MEGF11: variants seen among roughly 807,000 people sequenced by gnomAD.
MEGF11 encodes multiple epidermal growth factor-like domains protein 11.
In MEGF11, 126 loss-of-function variants were observed where a neutral mutation model predicts 146.6. That is an observed-to-expected ratio of 0.86 (90% confidence interval 0.74 to 1.00). The LOEUF is 1.00. MEGF11 is among the 50% of genes least tolerant of loss of function. The pLI, the probability that MEGF11 is intolerant of heterozygous loss-of-function variation, is 0.00. For synonymous variants in MEGF11, 532 were observed against 583.4 expected, an observed-to-expected ratio of 0.91 and a Z score of 1.27; for missense variants, 1,509 against 1,521.2, an observed-to-expected ratio of 0.99 and a Z score of 0.13.
intron 5 of MEGF11, among the ~76,000 whole-genome samples, chr15:66,018,447 C>A (rs1355182364): frequency 2.0e-5 from 3 of 152,232 alleles, no homozygotes; most frequent in Non-Finnish European, 2.9e-5. Flanking sequence ...GTGGCCTGGA[C>A]TCAGCCCCGC....
intron 5 of MEGF11, among the ~76,000 whole-genome samples, chr15:66,005,853 C>T (rs540114047): frequency 7.5e-4 from 114 of 152,296 alleles, no homozygotes; most frequent in Non-Finnish European, 1.3e-3. Context: ...AACATGTACA[C>T]GCAGTGAAGA....
intron 1 of MEGF11, among the ~76,000 whole-genome samples, chr15:66,181,527 A>ACTTCTACTATC (rs1555479663): frequency 4.5e-4 from 69 of 151,692 alleles, no homozygotes; most frequent in Admixed American, 9.8e-4. Context: ...CTTCTACTAT[A>ACTTCTACTATC]ACTTCTACTA....
chr15:66,082,723 T>C (rs1436626750), intron 5 of MEGF11, among the ~76,000 whole-genome samples: 2 of 148,004 alleles, frequency 1.4e-5, no homozygotes, highest in Non-Finnish European at 3.0e-5. Flanking sequence ...ACGTGAAGCA[T>C]TTGCACACAG....
rs555428228 is a variant in MEGF11 at position 65,896,834 on chromosome 15, C to T, written c.*1100G>A. 6.6e-6 allele frequency: 1 copy of T among 152,228 alleles called. No homozygotes were observed. The highest frequency in any genetic ancestry group is 1.5e-5 in the Non-Finnish European group (1 of 68,038). The allele number at this position is 152,228 out of a possible 1,614,324, so 9.4% of individuals were successfully genotyped here. On this transcript the variant is annotated 3_prime_UTR_variant, in exon 26 of 26. Coordinates refer to ENST00000395614, the MANE Select transcript of MEGF11 (RefSeq NM_001385028.1). ...GTAACGTTTTTACATCACGTTACAG[C>T]AACTGGTTACAGTCCATTCTTTTTT... is the stretch of plus-strand genomic sequence containing the variant.
chr15:65,965,613 CTTTTT>C (rs1186551497), intron 8 of MEGF11, among the ~76,000 whole-genome samples: 2 of 53,522 alleles, frequency 3.7e-5, no homozygotes, highest in South Asian at 1.9e-3. Flanking sequence ...TTTTTTTTTT[CTTTTT>C]TTTTTTTTTG....
chr15:66,001,140 C>T (rs964393056), intron 5 of MEGF11, among the ~76,000 whole-genome samples: 1 of 152,070 alleles, frequency 6.6e-6, no homozygotes, highest in Non-Finnish European at 1.5e-5. Flanking sequence ...TGGGAGCAGC[C>T]GCCAGCAGTG....
chr15:65,937,967 T>G (rs1311367290), intron 10 of MEGF11, among the ~76,000 whole-genome samples: 1 of 152,212 alleles, frequency 6.6e-6, no homozygotes, highest in Admixed American at 6.5e-5. Context: ...TAAGGGCCCT[T>G]TAGCTCTGAC....
At chr15:66,192,707 C>T (rs914676574) in intron 1 of MEGF11, among the ~76,000 whole-genome samples, 1 of 152,128 alleles carries the variant, frequency 6.6e-6, no homozygotes, top group African/African-American at 2.4e-5. Context: ...GGCTTCTCAG[C>T]CTTCCCATAA....
intron 15 of MEGF11, among the ~76,000 whole-genome samples, chr15:65,918,514 G>T (rs1277305841): frequency 4.6e-5 from 7 of 152,244 alleles, no homozygotes; most frequent in African/African-American, 1.7e-4. Context: ...CGAGGGTAGA[G>T]AATATGTACA....
At chr15:66,053,715 ATTTTTTTTTTTTTT>A (rs71447880) in intron 5 of MEGF11, among the ~76,000 whole-genome samples, 1 of 32,082 alleles carries the variant, frequency 3.1e-5, no homozygotes, top group African/African-American at 1.2e-4. Context: ...CCTGGCACCA[ATTTTTTTTTTTTTT>A]TTTTTTTTTT....
chr15:66,173,850 C>T (rs2141124622), intron 1 of MEGF11, among the ~76,000 whole-genome samples: 1 of 152,308 alleles, frequency 6.6e-6, no homozygotes, highest in African/African-American at 2.4e-5. Context: ...AGAGACCACC[C>T]TTGGACAGTT....
intron 1 of MEGF11, among the ~76,000 whole-genome samples, chr15:66,222,256 C>T (rs911210959): frequency 6.6e-6 from 1 of 152,022 alleles, no homozygotes. Flanking sequence ...GACCCAGTAC[C>T]AACCTCCAGA....
chr15:66,156,886 C>G (rs2089778763), intron 1 of MEGF11, among the ~76,000 whole-genome samples: 1 of 152,132 alleles, frequency 6.6e-6, no homozygotes, highest in Non-Finnish European at 1.5e-5. Context: ...GGTCACAGAG[C>G]CAGGCAGAAC....
In MEGF11 at chr15:66,183,884, A is replaced by T. The variant is rs1260064082; in HGVS notation, c.-8-55473T>A. Among the ~76,000 whole-genome samples, 5 of 152,288 alleles carry T rather than the reference A, an allele frequency of 3.3e-5. No homozygotes were observed. The East Asian group carries it at 5.8e-4, about 18-fold the overall frequency. ...TCTCAGGAGACTTAATCAAGATATA[A>T]ATTGAGCAGCAAAGTCCAAATAAGA... On this transcript the variant is annotated intron_variant, in intron 1 of 25. Coordinates refer to ENST00000395614, the MANE Select transcript of MEGF11 (RefSeq NM_001385028.1).
intron 1 of MEGF11, among the ~76,000 whole-genome samples, chr15:66,227,320 C>T (rs2091875117): frequency 1.3e-5 from 2 of 152,080 alleles, no homozygotes; most frequent in South Asian, 4.2e-4. Flanking sequence ...AATTGCTGAG[C>T]CCAGTGCCTG....
chr15:66,164,575 C>T (rs1431414415), intron 1 of MEGF11, among the ~76,000 whole-genome samples: 1 of 152,176 alleles, frequency 6.6e-6, no homozygotes, highest in African/African-American at 2.4e-5. Flanking sequence ...ACCTTTCTCA[C>T]CAGGTCTGGC....
At chr15:66,236,289 C>T (rs762486215) in intron 1 of MEGF11, among the ~76,000 whole-genome samples, 8 of 152,144 alleles carry the variant, frequency 5.3e-5, no homozygotes, top group Non-Finnish European at 1.0e-4. Flanking sequence ...GCTGCTGGGC[C>T]TTGACTCTGT....
chr15:66,129,402 C>T (rs1262593227), intron 1 of MEGF11, among the ~76,000 whole-genome samples: 7 of 152,218 alleles, frequency 4.6e-5, no homozygotes, highest in South Asian at 2.1e-4. Flanking sequence ...ATGAACGCTG[C>T]GACTCAGAAA....
intron 1 of MEGF11, among the ~76,000 whole-genome samples, chr15:66,156,432 T>C (rs2089759742): frequency 6.6e-6 from 1 of 152,094 alleles, no homozygotes; most frequent in Non-Finnish European, 1.5e-5. Flanking sequence ...TCGGTCCCAC[T>C]TGACCACTCC....
Sources: allele counts gnomAD v4.1 joint callset (sites outside exome capture counted in the v4.1 genomes callset), GRCh38; gene constraint gnomAD v4.1.1; transcripts MANE v1.5; gene names NCBI Gene and HGNC (gene_info 2026-07-23, HGNC 2026-07-21).